PIEZO1: variants seen among roughly 807,000 people sequenced by gnomAD.
PIEZO1 encodes the protein piezo-type mechanosensitive ion channel component 1.
Under a neutral mutation model 297.2 loss-of-function variants are expected in PIEZO1, and 296 were observed. The ratio of observed to expected loss-of-function variants is 1.00; its 90% confidence interval spans 0.91 to 1.10. PIEZO1 has a LOEUF of 1.10. Among genes scored for constraint, PIEZO1 ranks in the 50% least tolerant of loss-of-function variants. PIEZO1 has a pLI of 0.00. For missense variants in PIEZO1, 5,018 were observed against 3,455.5 expected, an observed-to-expected ratio of 1.45 and a Z score of -11.34; for synonymous variants, 2,427 against 1,507.5, an observed-to-expected ratio of 1.61 and a Z score of -14.13.
chr16:88,725,746 C>G, intron 27 of PIEZO1, 62 bp from the exon 28 acceptor site: 1 of 845,934 alleles, frequency 1.2e-6, no homozygotes, highest in South Asian at 1.5e-5. Context: ...CATGGGCAGC[C>G]GCCGCTCCCC....
chr16:88,722,203 G>T lies in PIEZO1; in HGVS notation c.4955+15C>A. ...GGCCATGGTGAGGCTGGTGTTGTGCGCGTCCCGCCCCCACCTGTCCAGGAG... is the reference window on the plus strand; with the variant it reads ...GGCCATGGTGAGGCTGGTGTTGTGCTCGTCCCGCCCCCACCTGTCCAGGAG... On this transcript the variant is annotated intron_variant, in intron 36 of 50. Transcript: ENST00000301015. 1 of 1,542,154 alleles carries T rather than the reference G, an allele frequency of 6.5e-7. No homozygotes were observed.
intron 21 of PIEZO1, 145 bp from the exon 22 acceptor site, chr16:88,732,055 A>G: frequency 5.0e-6 from 1 of 198,470 alleles, no homozygotes; most frequent in Non-Finnish European, 8.9e-6. Flanking sequence ...CGGCGCTGTC[A>G]AGAGGGCAGG....
intron 30 of PIEZO1, 77 bp from the exon 31 acceptor site, chr16:88,724,048 C>A: frequency 1.1e-6 from 1 of 882,624 alleles, no homozygotes; most frequent in Non-Finnish European, 1.8e-6. Flanking sequence ...CTGCATGGGC[C>A]AAGGCCCGAG....
rs570418653 is a variant in PIEZO1 at position 88,725,692 on chromosome 16, G to C, written c.3969-8C>G. ...TTGTAGAGGGCGAAGCCCCTGTAGG[G>C]AGGCGGGGATGGGGTGTGAGCACCA... On this transcript the variant is annotated splice_polypyrimidine_tract_variant and splice_region_variant and intron_variant, in intron 27 of 50. Coordinates refer to ENST00000301015, the MANE Select transcript of PIEZO1 (RefSeq NM_001142864.4). The C allele has an allele frequency of 1.6e-4, 228 of 1,459,522 alleles. No homozygotes were observed. The highest frequency in any genetic ancestry group is 2.1e-4 in the Non-Finnish European group (222 of 1,064,594). 90.4% of individuals were successfully genotyped at this position (1,459,522 alleles called of 1,614,324 possible). A position where few individuals can be genotyped will look rare whatever the true frequency, so the allele number is the denominator to read the frequency against.
At position 88,726,948 on chromosome 16, in the gene PIEZO1, C is replaced by T. The variant is rs1020474759; in HGVS notation, c.3466G>A (p.Asp1156Asn). ...PNFIHCRSYL[D>N]MLKVAVFRYL... ...CGGAAGACGGCCACCTTCAGCATGT[C>T]AAGGTAGGACCTGCCAGGCCGGAGC... The change falls in exon 25 of 51, where the codon GAC (aspartate) becomes AAC (asparagine). Residue 1156 changes from aspartate (D) to asparagine (N), a missense_variant. Coordinates refer to ENST00000301015, the MANE Select transcript of PIEZO1 (RefSeq NM_001142864.4). The T allele has an allele frequency of 3.9e-6, 6 of 1,550,420 alleles. No homozygotes were observed. Among genetic ancestry groups the T allele is most frequent in the Non-Finnish European group, 5.2e-6 (6 of 1,146,902 alleles).
chr16:88,765,668 AT>A (rs397966717), intron 1 of PIEZO1, among the ~76,000 whole-genome samples: 19,270 of 131,658 alleles, frequency 0.15, 1,021 homozygotes, highest in Middle Eastern at 0.17. Context: ...GTTATCTCTA[AT>A]TTTTTTTTTT....
At chr16:88,734,325 C>T (rs1905064863) in intron 16 of PIEZO1, 31 bp downstream of exon 16, 4 of 1,483,716 alleles carry the variant, frequency 2.7e-6, no homozygotes, top group Non-Finnish European at 3.6e-6. Flanking sequence ...CTACACCTCT[C>T]CAGGGCCGGA....
intron 1 of PIEZO1, among the ~76,000 whole-genome samples, chr16:88,758,637 A>G (rs573470378): frequency 1.3e-5 from 2 of 152,246 alleles, no homozygotes; most frequent in Non-Finnish European, 2.9e-5. Context: ...GCCAAGCGGC[A>G]GGGGGTGCGG....
chr16:88,748,994 T>C (rs1036281014), intron 2 of PIEZO1, among the ~76,000 whole-genome samples: 2 of 146,772 alleles, frequency 1.4e-5, no homozygotes, highest in African/African-American at 2.5e-5. Flanking sequence ...TCCCAGCACT[T>C]TGGGAGGCCG....
At chr16:88,734,231 A>T (rs1905060779) in intron 16 of PIEZO1, 125 bp downstream of exon 16, 1 of 1,188,790 alleles carries the variant, frequency 8.4e-7, no homozygotes, top group Non-Finnish European at 1.2e-6. Context: ...TCCCCTTGGT[A>T]TGAGCAAATG....
rs1394260362 is a variant in PIEZO1 at position 88,723,288 on chromosome 16, A to G, written c.4376T>C (p.Leu1459Pro). Residue 1459 changes from leucine to proline, a missense_variant, in exon 32 of 51, where the codon CTG becomes CCG. Coordinates refer to ENST00000301015, the MANE Select transcript of PIEZO1 (RefSeq NM_001142864.4). ...QAWVTNAQAVLRRRQQEQEQA... is the reference protein window; with the variant it reads ...QAWVTNAQAVPRRRQQEQEQA... ...CTCCTGCTCCTGCTGCCGCCGCCTC[A>G]GCACCGCCTGGGCGTTGGTCACCCA... 6.5e-7 allele frequency: 1 copy of G among 1,540,514 alleles called. No homozygotes were observed. Among genetic ancestry groups the G allele is most frequent in the South Asian group, 1.2e-5 (1 of 84,030 alleles).
intron 1 of PIEZO1, among the ~76,000 whole-genome samples, chr16:88,765,055 A>G (rs887534402): frequency 6.6e-6 from 1 of 152,186 alleles, no homozygotes; most frequent in African/African-American, 2.4e-5. Flanking sequence ...TGGACCCAGG[A>G]CAGAAGATGG....
chr16:88,772,774 T>TAAA (rs1907483157), intron 1 of PIEZO1, among the ~76,000 whole-genome samples: 1 of 64,938 alleles, frequency 1.5e-5, no homozygotes, highest in South Asian at 6.2e-4. Flanking sequence ...TGAGACTCTG[T>TAAA]CAAAAAAAAA....
chr16:88,721,086 C>A, intron 39 of PIEZO1, 80 bp downstream of exon 39: 3 of 1,359,250 alleles, frequency 2.2e-6, no homozygotes, highest in Non-Finnish European at 2.9e-6. Context: ...TTGGCCGTCT[C>A]ATCTGAGAAA....
intron 1 of PIEZO1, among the ~76,000 whole-genome samples, chr16:88,769,250 C>T (rs1188510843): frequency 2.6e-5 from 4 of 152,208 alleles, no homozygotes; most frequent in African/African-American, 7.2e-5. Context: ...GGGGGTCTCA[C>T]TATGTTACCC....
rs545194332 is a variant in PIEZO1, at chr16:88,739,018, G to A, written c.466-282C>T. On this transcript the variant is annotated intron_variant, in intron 5 of 50. Transcript: ENST00000301015. ...TCTGTCCTGCCAAGCCCAGGCACGT[G>A]ATGACCTTGCCAGGTACAGACAGAC... 3.2e-5 allele frequency: 17 copies of A among 524,934 alleles called. No homozygotes were observed. In the East Asian group the frequency reaches 3.6e-4, roughly 11 times the overall value. 32.5% of individuals were successfully genotyped at this position (524,934 alleles called of 1,614,324 possible). A position where few individuals can be genotyped will look rare whatever the true frequency, so the allele number is the denominator to read the frequency against.
In PIEZO1 at chr16:88,733,220, G is replaced by A; in HGVS notation, c.2664+58C>T. 4 of 1,462,578 alleles carry A rather than the reference G, an allele frequency of 2.7e-6. No individual in the cohort carries two copies. In the South Asian group the frequency reaches 5.1e-5, roughly 19 times the overall value. 90.6% of individuals were successfully genotyped at this position (1,462,578 alleles called of 1,614,324 possible). A position where few individuals can be genotyped will look rare whatever the true frequency, so the allele number is the denominator to read the frequency against. On this transcript the variant is annotated intron_variant, in intron 19 of 50. Coordinates refer to ENST00000301015, the MANE Select transcript of PIEZO1 (RefSeq NM_001142864.4). The stretch of plus-strand genomic sequence containing the variant: ...GAGGCAGCTGCCCCAGGAGGGTCGG[G>A]CTGCGAATACAGAGTTGCCTGGAGC...
In PIEZO1 at chr16:88,716,805, C is replaced by A. The variant is rs751783853; in HGVS notation, c.6753+1G>T. 6.5e-7 allele frequency: 1 copy of A among 1,549,844 alleles called. No homozygotes were observed. Among genetic ancestry groups the A allele is most frequent in the Non-Finnish European group, 8.7e-7 (1 of 1,146,962 alleles). ...GCTTTCACAGGGCAGAGGCCACTTA[C>A]CGGCTGGGGGTCAAACTGCCGGGAC... is the stretch of plus-strand genomic sequence containing the variant. On this transcript the variant is annotated splice_donor_variant, in intron 46 of 50. Coordinates refer to ENST00000301015, the MANE Select transcript of PIEZO1 (RefSeq NM_001142864.4). LOFTEE classifies it high-confidence loss of function.
rs1294565323 is a variant in PIEZO1, at chr16:88,726,907, C to G, written c.3507G>C (p.Leu1169=). ...KVAVFRYLFW[L]VLVVVFVTGA... is the part of the protein sequence containing the mutation. ...CCGTGACAAACACCACCACCAGCAC[C>G]AGCCAGAACAGGTATCGGAAGACGG... is the stretch of plus-strand genomic sequence containing the variant. Residue 1169 remains leucine, a synonymous_variant, in exon 25 of 51, where the codon CTG becomes CTC. Transcript: ENST00000301015. The G allele has an allele frequency of 1.3e-6, 2 of 1,550,454 alleles. No homozygotes were observed. The highest frequency in any genetic ancestry group is 2.4e-5 in the East Asian group (1 of 40,916).
Sources: allele counts gnomAD v4.1 joint callset (sites outside exome capture counted in the v4.1 genomes callset), GRCh38; gene constraint gnomAD v4.1.1; transcripts MANE v1.5; gene names NCBI Gene and HGNC (gene_info 2026-07-23, HGNC 2026-07-21).